The following SLC9C2 variants were observed in gnomAD, a reference collection of about 807,000 sequenced individuals.
The protein encoded by SLC9C2 is solute carrier family 9 member C2 (putative).
SLC9C2 carries 75 observed loss-of-function variants against 140.2 expected under a neutral mutation model. The ratio of observed to expected loss-of-function variants is 0.53; its 90% CI spans 0.44 to 0.65. The LOEUF is 0.65. Among genes scored for constraint, SLC9C2 ranks in the 30% least tolerant of loss-of-function variants. The probability of loss-of-function intolerance (pLI) is 0.00; values close to 1 mark genes in which losing one functional copy is unlikely to be tolerated. For synonymous variants in SLC9C2, 375 were observed against 420.9 expected, an observed-to-expected ratio of 0.89 and a Z score of 1.34; for missense variants, 1,074 against 1,331.8, an observed-to-expected ratio of 0.81 and a Z score of 3.01.
intron 8 of SLC9C2, among the ~76,000 whole-genome samples, chr1:173,574,643 T>G (rs1665048342): frequency 6.6e-6 from 1 of 151,340 alleles, no homozygotes; most frequent in Non-Finnish European, 1.5e-5. Flanking sequence ...CCTGAGTAGC[T>G]GGGACTACAG....
At chr1:173,507,381 G>A (rs1238913252) in intron 24 of SLC9C2, among the ~76,000 whole-genome samples, 1 of 152,186 alleles carries the variant, frequency 6.6e-6, no homozygotes, top group Non-Finnish European at 1.5e-5. Context: ...GTAAGCTTAT[G>A]TTCCACTTGA....
chr1:173,516,175 C>A (rs1189439015), intron 23 of SLC9C2, among the ~76,000 whole-genome samples: 2 of 152,284 alleles, frequency 1.3e-5, no homozygotes, highest in East Asian at 1.9e-4. Context: ...TTTAACGAAC[C>A]ACTTTGTCCC....
intron 23 of SLC9C2, among the ~76,000 whole-genome samples, chr1:173,514,351 C>T (rs1660269370): frequency 1.3e-5 from 2 of 152,154 alleles, no homozygotes; most frequent in Non-Finnish European, 2.9e-5. Flanking sequence ...GTCTTGGGTG[C>T]ATATATATTT....
Position 173,518,962 on chromosome 1 carries a change from G to A in SLC9C2, c.2740-1258C>T, listed in dbSNP as rs559776960. 3.3e-5 allele frequency among the ~76,000 whole-genome samples: 5 copies of A among 152,236 alleles called. No individual in the cohort carries two copies. The East Asian group carries it at 9.7e-4, about 29-fold the overall frequency. ...CAAATACTAATCTAGGGACTGCAGT[G>A]AAGGGACTTTGTAGTGGAATTAAGG... On this transcript the variant is annotated intron_variant, in intron 22 of 27. Transcript: ENST00000367714.
chr1:173,550,053 C>T (rs1663147428), intron 11 of SLC9C2, among the ~76,000 whole-genome samples: 1 of 152,314 alleles, frequency 6.6e-6, no homozygotes, highest in South Asian at 2.1e-4. Context: ...ATTAACTTCA[C>T]TCATGCTGCC....
intron 24 of SLC9C2, 56 bp from the exon 25 acceptor site, chr1:173,507,097 A>T: frequency 7.7e-7 from 1 of 1,305,468 alleles, no homozygotes; most frequent in Non-Finnish European, 1.0e-6. Flanking sequence ...GATGGTATCA[A>T]GAAGAAAACA....
intron 24 of SLC9C2, among the ~76,000 whole-genome samples, chr1:173,507,724 G>A (rs929426451): frequency 6.6e-6 from 1 of 152,132 alleles, no homozygotes; most frequent in Non-Finnish European, 1.5e-5. Context: ...CAGGGAGAAC[G>A]CCACGTGAAT....
chr1:173,513,298 T>G (rs1660178728), intron 23 of SLC9C2, among the ~76,000 whole-genome samples: 1 of 149,928 alleles, frequency 6.7e-6, no homozygotes, highest in African/African-American at 2.5e-5. Context: ...GGTCCTGGGC[T>G]TTTTTTGGTT....
At chr1:173,510,795 T>C (rs1659989368) in intron 23 of SLC9C2, among the ~76,000 whole-genome samples, 1 of 152,184 alleles carries the variant, frequency 6.6e-6, no homozygotes, top group Admixed American at 6.5e-5. Flanking sequence ...GCAATAAACA[T>C]ACATGTGCAT....
intron 11 of SLC9C2, among the ~76,000 whole-genome samples, chr1:173,554,094 A>T (rs1663503572): frequency 6.6e-6 from 1 of 152,206 alleles, no homozygotes; most frequent in Non-Finnish European, 1.5e-5. Flanking sequence ...AGAAATAACC[A>T]ACTGTGGCAG....
chr1:173,536,871 T>G (rs535228342), intron 14 of SLC9C2, 71 bp downstream of exon 14: 41 of 1,068,948 alleles, frequency 3.8e-5, no homozygotes, highest in Admixed American at 5.5e-5. Context: ...CATTTAATTC[T>G]CATTTTATTC....
chr1:173,573,738 A>G (rs1000513168), intron 8 of SLC9C2, among the ~76,000 whole-genome samples: 1 of 152,168 alleles, frequency 6.6e-6, no homozygotes, highest in Admixed American at 6.5e-5. Flanking sequence ...GATCATCTCA[A>G]TGCTCTCTGC....
intron 24 of SLC9C2, 95 bp downstream of exon 24, chr1:173,509,473 C>G: frequency 8.3e-7 from 1 of 1,201,956 alleles, no homozygotes; most frequent in Non-Finnish European, 1.1e-6. Flanking sequence ...ACACAAATTT[C>G]CTTTCTATTT....
chr1:173,526,753 CA>C (rs772721654), intron 18 of SLC9C2, 39 bp from the exon 19 acceptor site: 1 of 1,342,760 alleles, frequency 7.4e-7, no homozygotes, highest in Non-Finnish European at 1.0e-6. Flanking sequence ...TCTTATTATT[CA>C]TATAGTTTCT....
Position 173,517,674 on chromosome 1 carries a change from C to A in SLC9C2, c.2770G>T (p.Glu924Ter). 6.2e-7 allele frequency: 1 copy of A among 1,612,876 alleles called. No individual in the cohort carries two copies. Among genetic ancestry groups the A allele is most frequent in the South Asian group, 1.1e-5 (1 of 90,710 alleles). Residue 924 changes from glutamate (E) to a stop codon, truncating the protein, a stop_gained, in exon 23 of 28, where the codon GAG becomes TAG. Coordinates refer to ENST00000367714, the MANE Select transcript of SLC9C2 (RefSeq NM_178527.4). LOFTEE classifies it high-confidence loss of function. ...LHSLSPTFGIESNQRCDRGSR... is the reference protein window; with the variant it reads ...LHSLSPTFGI ...CCTCTATCACACCTTTGATTACTCT[C>A]TATTCCAAAGGTAGGAGATAAACTA...
chr1:173,578,810 C>A (rs147528002), intron 7 of SLC9C2, among the ~76,000 whole-genome samples: 1 of 152,294 alleles, frequency 6.6e-6, no homozygotes, highest in Non-Finnish European at 1.5e-5. Context: ...CCAAATTTCC[C>A]CTTTTTATAA....
At chr1:173,550,174 G>A (rs935210110) in intron 11 of SLC9C2, among the ~76,000 whole-genome samples, 2 of 152,138 alleles carry the variant, frequency 1.3e-5, no homozygotes, top group Non-Finnish European at 2.9e-5. Context: ...TGCCAGGGCA[G>A]GAGAATCCCT....
intron 9 of SLC9C2, among the ~76,000 whole-genome samples, chr1:173,561,331 A>G (rs301700): frequency 0.97 from 148,147 of 152,182 alleles, 72,140 homozygotes; most frequent in East Asian, 1. Flanking sequence ...TGGAGGTGGG[A>G]GTGAGGGATG....
chr1:173,531,411 C>T (rs1661575714), intron 17 of SLC9C2, among the ~76,000 whole-genome samples: 1 of 152,196 alleles, frequency 6.6e-6, no homozygotes, highest in Non-Finnish European at 1.5e-5. Flanking sequence ...AGCTGCAAGT[C>T]TGCCTTTCTT....
Sources: allele counts gnomAD v4.1 joint callset (sites outside exome capture counted in the v4.1 genomes callset), GRCh38; gene constraint gnomAD v4.1.1; transcripts MANE v1.5; gene names NCBI Gene and HGNC (gene_info 2026-07-23, HGNC 2026-07-21).